TIMM50: variants seen among roughly 807,000 people sequenced by gnomAD.
The protein encoded by TIMM50 is translocase of inner mitochondrial membrane 50.
In TIMM50, 34 loss-of-function variants were observed where a neutral mutation model predicts 49.6. The ratio of observed to expected loss-of-function variants is 0.69; its 90% CI spans 0.52 to 0.91. The LOEUF is 0.91. Ranked by LOEUF, TIMM50 falls within the 40% of genes least tolerant of loss-of-function variation. The pLI is 0.00. For missense variants in TIMM50, 458 were observed against 477.8 expected, an observed-to-expected ratio of 0.96 and a Z score of 0.39; for synonymous variants, 199 against 198.4, an observed-to-expected ratio of 1.00 and a Z score of -0.03.
At chr19:39,481,532 C>A (rs1266801741) in intron 1 of TIMM50, among the ~76,000 whole-genome samples, 1 of 152,162 alleles carries the variant, frequency 6.6e-6, no homozygotes, top group Non-Finnish European at 1.5e-5. Context: ...TGTACCCCTT[C>A]CCCCACCACT....
chr19:39,483,322 A>T lies in TIMM50; in HGVS notation c.313+166A>T, dbSNP rs557287938. ...GTGGGGAGGGACATTACAAAGCCCA[A>T]GCCCACTTCCCTGGCCCCTCAGCCC... is the stretch of plus-strand genomic sequence containing the variant. On this transcript the variant is annotated intron_variant, in intron 4 of 10. Coordinates refer to ENST00000607714, the MANE Select transcript of TIMM50 (RefSeq NM_001001563.5). The T allele has an allele frequency of 7.6e-4, 630 of 830,868 alleles. 2 individuals are homozygous for T. The highest frequency in any genetic ancestry group is 1.1e-3 in the Non-Finnish European group (550 of 518,662). The allele number at this position is 830,868 out of a possible 1,614,324, so 51.5% of individuals were successfully genotyped here. A position where few individuals can be genotyped will look rare whatever the true frequency, so the allele number is the denominator to read the frequency against.
In TIMM50 at chr19:39,491,890, C is replaced by T. The variant is rs939777503; in HGVS notation, c.*2070C>T. 3 of 147,824 alleles carry T rather than the reference C, an allele frequency of 2.0e-5. No individual in the cohort carries two copies. Among genetic ancestry groups the T allele is most frequent in the African/African-American group, 5.0e-5 (2 of 40,026 alleles). 9.2% of individuals were successfully genotyped at this position (147,824 alleles called of 1,614,324 possible). A position where few individuals can be genotyped will look rare whatever the true frequency, so the allele number is the denominator to read the frequency against. On this transcript the variant is annotated 3_prime_UTR_variant, in exon 11 of 11. Coordinates refer to ENST00000607714, the MANE Select transcript of TIMM50 (RefSeq NM_001001563.5). Reference sequence around the variant, plus strand: ...TTTTGGAGTCAGGGTCTCGCTGTGTCGCCCAGGCTGGAGCACAGTGGTGTA... The same window carrying T: ...TTTTGGAGTCAGGGTCTCGCTGTGTTGCCCAGGCTGGAGCACAGTGGTGTA...
rs1390527357 is a variant in TIMM50 at position 39,491,201 on chromosome 19, T to G, written c.*1381T>G. The G allele has an allele frequency of 1.3e-5, 2 of 150,668 alleles. No homozygotes were observed. The highest frequency in any genetic ancestry group is 2.4e-5 in the African/African-American group (1 of 40,966). 9.3% of individuals were successfully genotyped at this position (150,668 alleles called of 1,614,324 possible). On this transcript the variant is annotated 3_prime_UTR_variant, in exon 11 of 11. Coordinates refer to ENST00000607714, the MANE Select transcript of TIMM50 (RefSeq NM_001001563.5). ...TTTTTTTTGAGACGGAGTTTCGCTC[T>G]TATTGCCCAGGCTGGAGTGCAATGG...
chr19:39,481,640 C>T (rs1049953885), intron 1 of TIMM50, among the ~76,000 whole-genome samples: 6 of 152,152 alleles, frequency 3.9e-5, no homozygotes, highest in African/African-American at 1.4e-4. Context: ...AGTCCTGTTG[C>T]CTTCAGGATC....
intron 1 of TIMM50, among the ~76,000 whole-genome samples, chr19:39,481,469 ACT>A (rs1302817260): frequency 2.0e-5 from 3 of 150,344 alleles, no homozygotes; most frequent in African/African-American, 7.4e-5. Flanking sequence ...TTACCCTATA[ACT>A]CTGCTACTTT....
At position 39,481,925 on chromosome 19, in the gene TIMM50, C is replaced by T; in HGVS notation, c.151C>T (p.Pro51Ser). The change falls in exon 2 of 11, where the codon CCA (proline) becomes TCA (serine). Residue 51 changes from proline (P) to serine (S), a missense_variant. Coordinates refer to ENST00000607714, the MANE Select transcript of TIMM50 (RefSeq NM_001001563.5). ...GSRGSTKAQG[P>S]QQQPGSEGPS... ...CCGCGGGAGCACTAAGGCGCAAGGG[C>T]CACAGCAGCAGCCGGGCTCAGAGGG... 1 of 1,614,142 alleles carries T rather than the reference C, an allele frequency of 6.2e-7. No individual in the cohort carries two copies. The highest frequency in any genetic ancestry group is 1.3e-5 in the African/African-American group (1 of 75,046).
Position 39,490,057 on chromosome 19 carries a change from A to G in TIMM50, c.*237A>G. The G allele has an allele frequency of 1.9e-6, 1 of 522,248 alleles. No individual in the cohort carries two copies. Among genetic ancestry groups the G allele is most frequent in the Admixed American group, 3.1e-5 (1 of 31,824 alleles). 32.4% of individuals were successfully genotyped at this position (522,248 alleles called of 1,614,324 possible). A position where few individuals can be genotyped will look rare whatever the true frequency, so the allele number is the denominator to read the frequency against. ...TTTGTTGGATCAGAGCAGATTTTTC[A>G]CCCTGGTCTCGGAATCTAAAAACCC... On this transcript the variant is annotated 3_prime_UTR_variant, in exon 11 of 11. Transcript: ENST00000607714.
rs1417567434 is a variant in TIMM50 at position 39,490,410 on chromosome 19, G to C, written c.*590G>C. The stretch of plus-strand genomic sequence containing the variant: ...TTTTTTTTTGAGACAGGGTCTCACT[G>C]TTGCCCAGGCTGGAGTGCATTGATG... On this transcript the variant is annotated 3_prime_UTR_variant, in exon 11 of 11. Coordinates refer to ENST00000607714, the MANE Select transcript of TIMM50 (RefSeq NM_001001563.5). 1 of 149,786 alleles carries C rather than the reference G, an allele frequency of 6.7e-6. No individual in the cohort carries two copies. The highest frequency in any genetic ancestry group is 1.5e-5 in the Non-Finnish European group (1 of 67,998). 9.3% of individuals were successfully genotyped at this position (149,786 alleles called of 1,614,324 possible). A position where few individuals can be genotyped will look rare whatever the true frequency, so the allele number is the denominator to read the frequency against.
Position 39,489,927 on chromosome 19 carries a change from T to A in TIMM50, c.*107T>A. On this transcript the variant is annotated 3_prime_UTR_variant, in exon 11 of 11. Transcript: ENST00000607714. Reference sequence around the variant, plus strand: ...TAAAGTACATCCCAGACGCCACACCTGCTGTGTCCCGAGAGTCTCCAGATG... The same window carrying A: ...TAAAGTACATCCCAGACGCCACACCAGCTGTGTCCCGAGAGTCTCCAGATG... The A allele has an allele frequency of 9.2e-7, 1 of 1,081,422 alleles. No individual in the cohort carries two copies. Among genetic ancestry groups the A allele is most frequent in the Non-Finnish European group, 1.4e-6 (1 of 730,262 alleles). The allele number at this position is 1,081,422 out of a possible 1,614,324, so 67.0% of individuals were successfully genotyped here. A position where few individuals can be genotyped will look rare whatever the true frequency, so the allele number is the denominator to read the frequency against.
intron 1 of TIMM50, 92 bp from the exon 2 acceptor site, chr19:39,481,791 T>C (rs1022200880): frequency 1.3e-6 from 2 of 1,501,340 alleles, no homozygotes; most frequent in Admixed American, 1.9e-5. Flanking sequence ...GTCTGCCTCT[T>C]GGCTCCTGAA....
At chr19:39,488,763 C>T in intron 10 of TIMM50, 118 bp downstream of exon 10, 1 of 746,154 alleles carries the variant, frequency 1.3e-6, no homozygotes, top group Non-Finnish European at 2.3e-6. Flanking sequence ...GATACCTCCT[C>T]TCTGCCTCAG....
chr19:39,486,559 G>A lies in TIMM50; in HGVS notation c.696+64G>A, dbSNP rs2079509071. On this transcript the variant is annotated intron_variant, in intron 8 of 10. Coordinates refer to ENST00000607714, the MANE Select transcript of TIMM50 (RefSeq NM_001001563.5). The stretch of plus-strand genomic sequence containing the variant: ...GAGTTGGCACCACCTGAGGGAAGGA[G>A]GGCCCAGCTCTGACCCTAGCCTCAC... 6.9e-6 allele frequency: 10 copies of A among 1,455,194 alleles called. No individual in the cohort carries two copies. The East Asian group carries it at 2.0e-4, about 30-fold the overall frequency. The allele number at this position is 1,455,194 out of a possible 1,614,324, so 90.1% of individuals were successfully genotyped here. A position where few individuals can be genotyped will look rare whatever the true frequency, so the allele number is the denominator to read the frequency against.
At chr19:39,489,664 G>T in intron 10 of TIMM50, 55 bp from the exon 11 acceptor site, 1 of 1,500,884 alleles carries the variant, frequency 6.7e-7, no homozygotes, top group Non-Finnish European at 9.1e-7. Flanking sequence ...GCATCTGGGA[G>T]GAGGCTCTGT....
intron 8 of TIMM50, among the ~76,000 whole-genome samples, chr19:39,487,296 G>A (rs1435957265): frequency 1.3e-5 from 2 of 152,064 alleles, no homozygotes; most frequent in Non-Finnish European, 2.9e-5. Flanking sequence ...CTGAGACAGG[G>A]TTTTGCTCTG....
In TIMM50 at chr19:39,492,431, C is replaced by T. The variant is rs1438054178; in HGVS notation, c.*2611C>T. ...AACCTTAGGCAAGGCACCTCTGCCTCAGTTTCCTCATCTCTAAAATGGGGT... is the reference window on the plus strand; with the variant it reads ...AACCTTAGGCAAGGCACCTCTGCCTTAGTTTCCTCATCTCTAAAATGGGGT... On this transcript the variant is annotated 3_prime_UTR_variant, in exon 11 of 11. Coordinates refer to ENST00000607714, the MANE Select transcript of TIMM50 (RefSeq NM_001001563.5). 1.3e-5 allele frequency: 2 copies of T among 152,174 alleles called. No individual in the cohort carries two copies. The highest frequency in any genetic ancestry group is 2.9e-5 in the Non-Finnish European group (2 of 68,070). The allele number at this position is 152,174 out of a possible 1,614,324, so 9.4% of individuals were successfully genotyped here.
intron 10 of TIMM50, 40 bp downstream of exon 10, chr19:39,488,685 G>T (rs1442982485): frequency 2.6e-6 from 4 of 1,552,560 alleles, no homozygotes; most frequent in Non-Finnish European, 3.6e-6. Flanking sequence ...TCGGCTCTGA[G>T]GCTCCTGAAG....
chr19:39,483,051 G>A (rs2079483149), intron 3 of TIMM50, 84 bp from the exon 4 acceptor site: 4 of 1,608,416 alleles, frequency 2.5e-6, no homozygotes, highest in Non-Finnish European at 3.4e-6. Flanking sequence ...TGTTCCTCTT[G>A]GGGTCCTGGA....
At chr19:39,486,534 G>T in intron 8 of TIMM50, 39 bp downstream of exon 8, 2 of 1,580,416 alleles carry the variant, frequency 1.3e-6, no homozygotes, top group Non-Finnish European at 1.7e-6. Context: ...GGATTTGGCG[G>T]AGTTGGCACC....
At chr19:39,483,529 C>T (rs372730135) in intron 4 of TIMM50, 1 of 218,612 alleles carries the variant, frequency 4.6e-6, no homozygotes, top group Non-Finnish European at 9.0e-6. Context: ...AAAACTATGC[C>T]GCCTTCCTCT....
Sources: allele counts gnomAD v4.1 joint callset (sites outside exome capture counted in the v4.1 genomes callset), GRCh38; gene constraint gnomAD v4.1.1; transcripts MANE v1.5; gene names NCBI Gene and HGNC (gene_info 2026-07-23, HGNC 2026-07-21).